Variants in SPTBN4 observed in about 807,000 individuals in gnomAD.
SPTBN4 encodes spectrin beta, non-erythrocytic 4.
Under a neutral mutation model 277.8 loss-of-function variants are expected in SPTBN4, and 96 were observed. That is an observed-to-expected ratio of 0.35 (90% CI 0.29 to 0.41). SPTBN4 has a LOEUF of 0.41. Among genes scored for constraint, SPTBN4 ranks in the 10% least tolerant of loss-of-function variants. SPTBN4 has a pLI of 1.00. For missense variants in SPTBN4, 3,006 were observed against 3,595.7 expected, an observed-to-expected ratio of 0.84 and a Z score of 4.19; for synonymous variants, 1,481 against 1,580.3, an observed-to-expected ratio of 0.94 and a Z score of 1.49.
At chr19:40,505,199 A>G (rs1324979262) in intron 12 of SPTBN4, among the ~76,000 whole-genome samples, 1 of 142,418 alleles carries the variant, frequency 7.0e-6, no homozygotes, top group Non-Finnish European at 1.5e-5. Flanking sequence ...AGCCTGATCA[A>G]CATAGTGAGA....
intron 27 of SPTBN4, among the ~76,000 whole-genome samples, chr19:40,562,400 T>A (rs1173642358): frequency 1.3e-5 from 2 of 151,726 alleles, no homozygotes; most frequent in Admixed American, 6.6e-5. Context: ...TGTTGTGGCA[T>A]GTGCCTGTAG....
intron 22 of SPTBN4, among the ~76,000 whole-genome samples, chr19:40,553,233 A>G (rs1261173076): frequency 1.3e-5 from 2 of 152,250 alleles, no homozygotes; most frequent in African/African-American, 2.4e-5. Context: ...TAAGCCTAGC[A>G]CTTTGGGAGG....
At chr19:40,553,450 C>T (rs1216101918) in intron 22 of SPTBN4, among the ~76,000 whole-genome samples, 1 of 152,148 alleles carries the variant, frequency 6.6e-6, no homozygotes, top group African/African-American at 2.4e-5. Context: ...GATAGAGTGA[C>T]ACCCTGTCTC....
At chr19:40,505,705 AG>A (rs1568786353) in intron 12 of SPTBN4, among the ~76,000 whole-genome samples, 2 of 72,614 alleles carry the variant, frequency 2.8e-5, no homozygotes, top group Non-Finnish European at 6.4e-5. Flanking sequence ...AAAGGGAGGA[AG>A]GAAGGAAGGA....
chr19:40,529,256 C>G, intron 18 of SPTBN4, 125 bp downstream of exon 18: 1 of 891,106 alleles, frequency 1.1e-6, no homozygotes, highest in Non-Finnish European at 1.7e-6. Context: ...TCGCTCTAAG[C>G]CGCCAGGGGG....
chr19:40,473,092 G>C (rs1309514900), intron 2 of SPTBN4, among the ~76,000 whole-genome samples: 1 of 151,978 alleles, frequency 6.6e-6, no homozygotes. Context: ...TGTTGCCCCG[G>C]CTGGGGTGTA....
intron 13 of SPTBN4, among the ~76,000 whole-genome samples, chr19:40,507,135 G>A (rs922074165): frequency 3.9e-5 from 6 of 152,034 alleles, no homozygotes; most frequent in African/African-American, 7.2e-5. Context: ...TCAACATGGC[G>A]AAACCCCGTC....
At position 40,554,132 on chromosome 19, in the gene SPTBN4, AC is replaced by A; in HGVS notation, c.4675-13del. ...GCCCCCTCTCCACCCACATCCCCTT[AC>A]CTCCTGCCCCCAGGGCCTGCGGCGG... On this transcript the variant is annotated splice_polypyrimidine_tract_variant and intron_variant, in intron 22 of 35. Coordinates refer to ENST00000598249, the MANE Select transcript of SPTBN4 (RefSeq NM_020971.3). This position sits in a 1 kb window ranked among gnomAD's most constrained non-coding sequence, Gnocchi z 5.7. The A allele has an allele frequency of 7.0e-7, 1 of 1,428,424 alleles. No individual in the cohort carries two copies. Among genetic ancestry groups the A allele is most frequent in the Non-Finnish European group, 9.0e-7 (1 of 1,106,564 alleles). 88.5% of individuals were successfully genotyped at this position (1,428,424 alleles called of 1,614,324 possible). A position where few individuals can be genotyped will look rare whatever the true frequency, so the allele number is the denominator to read the frequency against.
chr19:40,523,493 C>T lies in SPTBN4; in HGVS notation c.3711C>T (p.Ala1237=). ...LPGTVESVEE[A]LKQHRDFLTT... ...GCACAGTGGAATCGGTGGAGGAGGC[C>T]TTGAAACAGCACCGTGACTTTCTCA... The change falls in exon 17 of 36, where the codon GCC becomes GCT. Residue 1237 remains alanine, a synonymous_variant. Transcript: ENST00000598249. 6.2e-7 allele frequency: 1 copy of T among 1,613,730 alleles called. No individual in the cohort carries two copies. Among genetic ancestry groups the T allele is most frequent in the Non-Finnish European group, 8.5e-7 (1 of 1,179,884 alleles).
chr19:40,570,469 G>A lies in SPTBN4; in HGVS notation c.7060G>A (p.Gly2354Ser), dbSNP rs776050364. Reference protein sequence around the residue: ...SLPQPRELPPGRLPNGLELPE... With the variant: ...SLPQPRELPPSRLPNGLELPE... ...GCCTCAGCCACGCGAGCTTCCCCCA[G>A]GTCGCCTGCCCAACGGGCTTGAGCT... Residue 2354 changes from glycine (G) to serine (S), a missense_variant, in exon 33 of 36, where the codon GGT becomes AGT. Gly to Ser is a moderately conservative substitution (Grantham distance 56, BLOSUM62 0). This residue lies in a region of SPTBN4 where 630 missense variants were observed against 677.6 expected (regional missense o/e 0.93). Transcript: ENST00000598249. 6.4e-7 allele frequency: 1 copy of A among 1,565,338 alleles called. No individual in the cohort carries two copies. The highest frequency in any genetic ancestry group is 8.6e-7 in the Non-Finnish European group (1 of 1,164,848).
chr19:40,493,515 C>G (rs1054106236), intron 5 of SPTBN4, among the ~76,000 whole-genome samples: 3 of 152,164 alleles, frequency 2.0e-5, no homozygotes, highest in Admixed American at 6.6e-5. Flanking sequence ...AAGACCCCAT[C>G]TCTACAAAAA....
intron 2 of SPTBN4, among the ~76,000 whole-genome samples, chr19:40,474,146 T>C (rs905941103): frequency 1.7e-5 from 1 of 58,252 alleles, no homozygotes; most frequent in Non-Finnish European, 2.9e-5. Flanking sequence ...AGCAAGAACC[T>C]ATCTCAAAAA....
chr19:40,552,842 G>A (rs575416811), intron 22 of SPTBN4, among the ~76,000 whole-genome samples: 1 of 152,322 alleles, frequency 6.6e-6, no homozygotes, highest in African/African-American at 2.4e-5. Flanking sequence ...TTAAAATTGG[G>A]GGAGCTCAGC....
At position 40,567,997 on chromosome 19, in the gene SPTBN4, C is replaced by T. The variant is rs1384067792; in HGVS notation, c.6671C>T (p.Ala2224Val). The change falls in exon 31 of 36, where the codon GCG becomes GTG. Residue 2224 changes from alanine to valine, a missense_variant. By Grantham distance (64) the Ala-to-Val change is moderately conservative. Coordinates refer to ENST00000598249, the MANE Select transcript of SPTBN4 (RefSeq NM_020971.3). ...GAGACCCCCGCGACCCCCGCGGCGG[C>T]GGAGCAGGTGCGGCCACGACCGGAG... ...AAETPATPAA[A>V]EQVRPRPERQ... 2 of 1,503,708 alleles carry T rather than the reference C, an allele frequency of 1.3e-6. No homozygotes were observed. Among genetic ancestry groups the T allele is most frequent in the Non-Finnish European group, 8.8e-7 (1 of 1,131,782 alleles). The allele number at this position is 1,503,708 out of a possible 1,614,324, so 93.1% of individuals were successfully genotyped here.
In SPTBN4 at chr19:40,567,837, G is replaced by C; in HGVS notation, c.6511G>C (p.Glu2171Gln). Residue 2171 changes from glutamate to glutamine, a missense_variant, in exon 31 of 36, where the codon GAG becomes CAG. This residue lies in a region of SPTBN4 where 630 missense variants were observed against 677.6 expected (regional missense o/e 0.93). Transcript: ENST00000598249. ...CCGAGCCTCGGACACGCTCTCGGCCGAGGTGCGGACTCGGGTGGGGTATGT... is the reference window on the plus strand; with the variant it reads ...CCGAGCCTCGGACACGCTCTCGGCCCAGGTGCGGACTCGGGTGGGGTATGT... ...ARRASDTLSA[E>Q]VRTRVGYVRQ... 6.6e-7 allele frequency: 1 copy of C among 1,523,434 alleles called. No individual in the cohort carries two copies. The highest frequency in any genetic ancestry group is 8.8e-7 in the Non-Finnish European group (1 of 1,134,990). The allele number at this position is 1,523,434 out of a possible 1,614,324, so 94.4% of individuals were successfully genotyped here.
At chr19:40,492,497 A>G (rs1375185906) in intron 4 of SPTBN4, among the ~76,000 whole-genome samples, 1 of 152,174 alleles carries the variant, frequency 6.6e-6, no homozygotes, top group Non-Finnish European at 1.5e-5. Context: ...GAGGTCATCA[A>G]CTTACTGATG....
intron 20 of SPTBN4, among the ~76,000 whole-genome samples, chr19:40,537,221 G>T (rs1001673209): frequency 3.9e-5 from 6 of 152,126 alleles, no homozygotes; most frequent in Non-Finnish European, 7.4e-5. Context: ...TGTTGCCCAG[G>T]CTGGTCTCGA....
chr19:40,543,176 C>G (rs2080820515), intron 20 of SPTBN4, among the ~76,000 whole-genome samples: 2 of 152,064 alleles, frequency 1.3e-5, no homozygotes, highest in Non-Finnish European at 2.9e-5. Context: ...AGTGGCCGGG[C>G]ACAGTGGCTC....
intron 30 of SPTBN4, 101 bp downstream of exon 30, chr19:40,566,460 C>A: frequency 8.5e-7 from 1 of 1,171,350 alleles, no homozygotes; most frequent in Non-Finnish European, 1.1e-6. Flanking sequence ...GTGCTTGGTC[C>A]TGTGTTGTGT....
Sources: allele counts gnomAD v4.1 joint callset (sites outside exome capture counted in the v4.1 genomes callset), GRCh38; gene constraint gnomAD v4.1.1; regional missense constraint gnomAD v4.1.1; non-coding constraint Gnocchi (gnomAD v3.1); transcripts MANE v1.5; gene names NCBI Gene and HGNC (gene_info 2026-07-23, HGNC 2026-07-21).